Variants in NR2F1-AS1 observed in about 807,000 individuals in gnomAD.
The protein encoded by NR2F1-AS1 is NR2F1 antisense RNA 1.
chr5:93,432,357 G>GA (rs1749345145), intron 4 of NR2F1-AS1: 1 of 152,110 alleles, frequency 6.6e-6, no homozygotes, highest in African/African-American at 2.4e-5. Context: ...TATTTTCCAA[G>GA]TACTTACCAT....
At chr5:93,524,924 T>A (rs1751579802) in intron 4 of NR2F1-AS1, among the ~76,000 whole-genome samples, 1 of 152,122 alleles carries the variant, frequency 6.6e-6, no homozygotes, top group African/African-American at 2.4e-5. Flanking sequence ...TAAAGACCAC[T>A]GACACTATGA....
intron 4 of NR2F1-AS1, among the ~76,000 whole-genome samples, chr5:93,475,700 T>A (rs539956275): frequency 1.8e-4 from 27 of 152,348 alleles, no homozygotes; most frequent in Admixed American, 3.3e-4. Context: ...AAAACTCATA[T>A]GATGAAAGAA....
Position 93,416,243 on chromosome 5 carries a change from C to A in NR2F1-AS1, n.639-20701G>T, listed in dbSNP as rs1241269072. On this transcript the variant is annotated intron_variant and non_coding_transcript_variant, in intron 4 of 5. Transcript: ENST00000660523. ...CTTTTTACTACTTATATATAAAGTTCCATTTCCTTCTAGTTAATATAAAAA... is the reference window on the plus strand; with the variant it reads ...CTTTTTACTACTTATATATAAAGTTACATTTCCTTCTAGTTAATATAAAAA... Among the ~76,000 whole-genome samples, 4 of 152,180 alleles carry A rather than the reference C, an allele frequency of 2.6e-5. No individual in the cohort carries two copies. The South Asian group carries it at 8.3e-4, about 32-fold the overall frequency.
intron 4 of NR2F1-AS1, among the ~76,000 whole-genome samples, chr5:93,547,000 G>A (rs967304637): frequency 6.6e-6 from 1 of 152,176 alleles, no homozygotes; most frequent in Non-Finnish European, 1.5e-5. Flanking sequence ...TCCTGGATGA[G>A]AAGAAATTCT....
intron 1 of NR2F1-AS1, among the ~76,000 whole-genome samples, chr5:93,564,614 C>A (rs1229731745): frequency 6.6e-6 from 1 of 152,212 alleles, no homozygotes; most frequent in East Asian, 1.9e-4. Flanking sequence ...AAACAAGAAA[C>A]AAGCCCATTT....
At chr5:93,551,862 C>T (rs1245948079) in intron 4 of NR2F1-AS1, among the ~76,000 whole-genome samples, 1 of 152,158 alleles carries the variant, frequency 6.6e-6, no homozygotes, top group Non-Finnish European at 1.5e-5. Flanking sequence ...TCCAGACACA[C>T]ATTATACATT....
chr5:93,438,881 G>A (rs1297765340), intron 4 of NR2F1-AS1: 1 of 152,190 alleles, frequency 6.6e-6, no homozygotes, highest in African/African-American at 2.4e-5. Flanking sequence ...TAGTGGAACT[G>A]CCAGAGTTCC....
At chr5:93,511,828 C>G (rs1046189894) in intron 4 of NR2F1-AS1, among the ~76,000 whole-genome samples, 2 of 152,152 alleles carry the variant, frequency 1.3e-5, no homozygotes, top group Admixed American at 6.5e-5. Context: ...CTGCACACTC[C>G]TCATGAGAAT....
chr5:93,449,642 T>C (rs1208726460), intron 4 of NR2F1-AS1, among the ~76,000 whole-genome samples: 1 of 152,174 alleles, frequency 6.6e-6, no homozygotes, highest in Non-Finnish European at 1.5e-5. Context: ...ATTTTAAAAT[T>C]CTGTTGTAAA....
intron 4 of NR2F1-AS1, among the ~76,000 whole-genome samples, chr5:93,533,288 A>G (rs1580309941): frequency 6.6e-6 from 1 of 152,148 alleles, no homozygotes; most frequent in Admixed American, 6.5e-5. Flanking sequence ...GAGTGATCAC[A>G]TTTCAAAGGG....
intron 4 of NR2F1-AS1, among the ~76,000 whole-genome samples, chr5:93,436,928 G>A (rs150889757): frequency 6.7e-6 from 1 of 150,290 alleles, no homozygotes; most frequent in African/African-American, 2.5e-5. Flanking sequence ...TACCTTCCAA[G>A]ATGCCTATAT....
intron 4 of NR2F1-AS1, among the ~76,000 whole-genome samples, chr5:93,445,653 G>C (rs929679976): frequency 2.0e-5 from 3 of 151,962 alleles, no homozygotes; most frequent in East Asian, 1.9e-4. Context: ...CCTTCTGAAA[G>C]TATTCCAACC....
chr5:93,502,160 A>G (rs1339834542), intron 4 of NR2F1-AS1, among the ~76,000 whole-genome samples: 1 of 152,228 alleles, frequency 6.6e-6, no homozygotes, highest in African/African-American at 2.4e-5. Flanking sequence ...TGTAAACATA[A>G]CTTTTATATG....
chr5:93,500,357 T>G (rs908871851), intron 4 of NR2F1-AS1, among the ~76,000 whole-genome samples: 2 of 152,136 alleles, frequency 1.3e-5, no homozygotes, highest in Non-Finnish European at 2.9e-5. Context: ...ATGCTAAATC[T>G]TTTGTGCCTG....
At chr5:93,443,656 T>C (rs1235355179) in intron 4 of NR2F1-AS1, among the ~76,000 whole-genome samples, 1 of 152,106 alleles carries the variant, frequency 6.6e-6, no homozygotes, top group African/African-American at 2.4e-5. Flanking sequence ...ACTTCCCCAA[T>C]CTAGAAAGAC....
chr5:93,502,867 A>C (rs926436560), intron 4 of NR2F1-AS1, among the ~76,000 whole-genome samples: 1 of 152,226 alleles, frequency 6.6e-6, no homozygotes, highest in African/African-American at 2.4e-5. Context: ...AATGAAAAAA[A>C]CTAGGGGCTG....
At chr5:93,583,849 A>G (rs921997530), upstream of NR2F1-AS1, 1 of 151,512 alleles carries the variant, frequency 6.6e-6, no homozygotes, top group South Asian at 2.1e-4. Context: ...TATTTTTTCT[A>G]TTTCGCTGTG....
chr5:93,460,333 C>T (rs1257361464), intron 4 of NR2F1-AS1, among the ~76,000 whole-genome samples: 1 of 152,096 alleles, frequency 6.6e-6, no homozygotes, highest in Admixed American at 6.6e-5. Flanking sequence ...CCACGCAGCA[C>T]CGGGAAGGCT....
At chr5:93,473,776 G>A (rs970204230) in intron 4 of NR2F1-AS1, among the ~76,000 whole-genome samples, 8 of 151,644 alleles carry the variant, frequency 5.3e-5, no homozygotes, top group Non-Finnish European at 1.0e-4. Context: ...GACTCTGGTT[G>A]ATATTCTGGA....
Sources: allele counts gnomAD v4.1 joint callset (sites outside exome capture counted in the v4.1 genomes callset), GRCh38; gene constraint gnomAD v4.1.1; transcripts MANE v1.5; gene names NCBI Gene and HGNC (gene_info 2026-07-23, HGNC 2026-07-21).